The following ST6GALNAC6 variants were observed in gnomAD, a reference collection of about 807,000 sequenced individuals.
ST6GALNAC6 encodes ST6 N-acetylgalactosaminide alpha-2,6-sialyltransferase 6, also known as alpha-N-acetylgalactosaminide alpha-2,6-sialyltransferase 6.
In ST6GALNAC6, 19 loss-of-function variants were observed where a neutral mutation model predicts 34.3. That is an observed-to-expected ratio of 0.55 (90% CI 0.39 to 0.81). The LOEUF (loss-of-function observed/expected upper bound fraction) is 0.81. Ranked by LOEUF, ST6GALNAC6 falls within the 40% of genes least tolerant of loss-of-function variation. The pLI is 0.00. For missense variants in ST6GALNAC6, 377 were observed against 467.7 expected (o/e 0.81, Z 1.79); for synonymous variants, 185 against 182.1 (o/e 1.02, Z -0.13).
intron 4 of ST6GALNAC6, among the ~76,000 whole-genome samples, chr9:127,893,096 C>A (rs755380199): frequency 6.6e-6 from 1 of 152,114 alleles, no homozygotes; most frequent in African/African-American, 2.4e-5. Flanking sequence ...GTAACAGAGA[C>A]GTCTCTCTGA....
intron 6 of ST6GALNAC6, 33 bp from the exon 7 acceptor site, chr9:127,886,821 A>C (rs142600049): frequency 2.8e-4 from 445 of 1,565,462 alleles, no homozygotes; most frequent in Non-Finnish European, 3.5e-4. Context: ...CATCAGGGCA[A>C]GGTGAGCGCT....
upstream of ST6GALNAC6, among the ~76,000 whole-genome samples, chr9:127,900,173 G>A (rs1564494811): frequency 6.6e-6 from 1 of 152,338 alleles, no homozygotes; most frequent in South Asian, 2.1e-4. Flanking sequence ...ATCACTCTAC[G>A]TGATAGGGAA....
intron 5 of ST6GALNAC6, among the ~76,000 whole-genome samples, chr9:127,889,590 C>A (rs939167006): frequency 6.6e-6 from 1 of 151,726 alleles, no homozygotes; most frequent in Non-Finnish European, 1.5e-5. Context: ...ATTATAGGTG[C>A]GCACCACCAC....
At chr9:127,893,000 C>A (rs77487594) in intron 4 of ST6GALNAC6, among the ~76,000 whole-genome samples, 2,586 of 152,238 alleles carry the variant, frequency 0.017, 77 homozygotes, top group African/African-American at 0.058. Context: ...GCTGGCCCTG[C>A]GATTGTTAAA....
At chr9:127,897,845 T>C in intron 2 of ST6GALNAC6, 111 bp downstream of exon 2, 1 of 1,586,472 alleles carries the variant, frequency 6.3e-7, no homozygotes, top group Non-Finnish European at 8.6e-7. Flanking sequence ...AGCTGTGCCC[T>C]CAGCCAGGAC....
At chr9:127,899,317 C>T (rs1830655545) in intron 1 of ST6GALNAC6, 186 bp downstream of exon 1, 1 of 194,808 alleles carries the variant, frequency 5.1e-6, no homozygotes, top group Admixed American at 6.5e-5. Flanking sequence ...CGCGACAGAC[C>T]CTGGGCGCGA....
At chr9:127,894,976 A>C (rs1175140148) in intron 3 of ST6GALNAC6, among the ~76,000 whole-genome samples, 1 of 152,102 alleles carries the variant, frequency 6.6e-6, no homozygotes. Flanking sequence ...GGAACATGGA[A>C]GGTTCTCCGG....
At chr9:127,891,131 G>A in intron 4 of ST6GALNAC6, 88 bp from the exon 5 acceptor site, 2 of 1,438,166 alleles carry the variant, frequency 1.4e-6, no homozygotes, top group African/African-American at 2.9e-5. Context: ...CCCAGGAATT[G>A]TTATGCCCAT....
chr9:127,888,504 C>CAAAA (rs143037868), intron 5 of ST6GALNAC6, among the ~76,000 whole-genome samples: 1 of 59,568 alleles, frequency 1.7e-5, no homozygotes, highest in South Asian at 5.9e-4. Flanking sequence ...ACTCCTTCTC[C>CAAAA]AAAAAAAAAA....
Position 127,886,163 on chromosome 9 carries a change from T to A in ST6GALNAC6, c.*436A>T. 1 of 235,634 alleles carries A rather than the reference T, an allele frequency of 4.2e-6. No individual in the cohort carries two copies. The allele number at this position is 235,634 out of a possible 1,614,324, so 14.6% of individuals were successfully genotyped here. On this transcript the variant is annotated 3_prime_UTR_variant, in exon 7 of 7. Transcript: ENST00000373146. ...CCAGACAGCTTCTACCCCCACACAA[T>A]CTCTCTTTCTGGTGCTGGAAATTGA...
At chr9:127,898,253 C>T (rs1198880829) in intron 1 of ST6GALNAC6, among the ~76,000 whole-genome samples, 1 of 152,052 alleles carries the variant, frequency 6.6e-6, no homozygotes, top group African/African-American at 2.4e-5. Context: ...ATTAGCTGGG[C>T]GTGGTGGCGT....
intron 3 of ST6GALNAC6, 106 bp downstream of exon 3, chr9:127,896,136 G>T: frequency 7.6e-7 from 1 of 1,313,238 alleles, no homozygotes; most frequent in African/African-American, 1.4e-5. Flanking sequence ...TTCTTGCGGG[G>T]AAGAAGAGAC....
chr9:127,904,826 G>A (rs1280832954), intron 1 of ST6GALNAC6: 1 of 152,408 alleles, frequency 6.6e-6, no homozygotes, highest in Non-Finnish European at 1.5e-5. Context: ...CCCCACAGAG[G>A]CTGGAGAGGG....
At chr9:127,897,876 C>T (rs1180805459) in intron 2 of ST6GALNAC6, 80 bp downstream of exon 2, 2 of 1,604,588 alleles carry the variant, frequency 1.2e-6, no homozygotes, top group East Asian at 2.2e-5. Flanking sequence ...CTGGTCCGCC[C>T]CGTCACAATC....
rs1829995886 is a variant in ST6GALNAC6, at chr9:127,889,350, A to G, written c.704+1287T>C. On this transcript the variant is annotated intron_variant, in intron 5 of 6. Coordinates refer to ENST00000373146, the MANE Select transcript of ST6GALNAC6 (RefSeq NM_013443.5). The stretch of plus-strand genomic sequence containing the variant: ...CAACAGAGCAAGACTCCCTCTCAAA[A>G]AAAAAAAAAAAAAATCTCCTAGAAC... Among the ~76,000 whole-genome samples the G allele has an allele frequency of 2.0e-5, 3 of 151,292 alleles. No individual in the cohort carries two copies. In the South Asian group the frequency reaches 6.2e-4, roughly 31 times the overall value.
chr9:127,896,324 G>A lies in ST6GALNAC6; in HGVS notation c.35C>T (p.Pro12Leu). 6.2e-7 allele frequency: 1 copy of A among 1,611,830 alleles called. No homozygotes were observed. Among genetic ancestry groups the A allele is most frequent in the Non-Finnish European group, 8.5e-7 (1 of 1,178,834 alleles). Residue 12 changes from proline to leucine, a missense_variant, in exon 3 of 7, where the codon CCC (proline) becomes CTC (leucine). Coordinates refer to ENST00000373146, the MANE Select transcript of ST6GALNAC6 (RefSeq NM_013443.5). Reference protein sequence around the residue: ...ACSRPPSQCEPTSLPPGPPAG... With the variant: ...ACSRPPSQCELTSLPPGPPAG... Reference sequence around the variant, plus strand: ...AGGTGGCCCTGGGGGCAGGGATGTGGGTTCACACCTGCAAGCCACCAGAAA... The same window carrying A: ...AGGTGGCCCTGGGGGCAGGGATGTGAGTTCACACCTGCAAGCCACCAGAAA...
chr9:127,894,248 G>A lies in ST6GALNAC6; in HGVS notation c.297+264C>T, dbSNP rs150777865. 2.3e-3 allele frequency among the ~76,000 whole-genome samples: 357 copies of A among 152,336 alleles called. 2 individuals carry two copies. The highest frequency in any genetic ancestry group is 9.5e-3 in the South Asian group (46 of 4,830). On this transcript the variant is annotated intron_variant, in intron 4 of 6. Coordinates refer to ENST00000373146, the MANE Select transcript of ST6GALNAC6 (RefSeq NM_013443.5). Reference sequence around the variant, plus strand: ...GTGTGGGCTCCCCAGCAGAGACAGAGAGCAGTGAAAACAGAAACACATTTT... The same window carrying A: ...GTGTGGGCTCCCCAGCAGAGACAGAAAGCAGTGAAAACAGAAACACATTTT...
chr9:127,896,924 C>T (rs1830494302), intron 2 of ST6GALNAC6: 1 of 985,340 alleles, frequency 1.0e-6, no homozygotes, highest in Non-Finnish European at 1.2e-6. Flanking sequence ...CACGGAGATT[C>T]AGGAATATCG....
upstream of ST6GALNAC6, among the ~76,000 whole-genome samples, chr9:127,906,401 T>C (rs941337038): frequency 2.6e-5 from 4 of 152,176 alleles, no homozygotes; most frequent in Non-Finnish European, 5.9e-5. Flanking sequence ...CCCAGTCCTC[T>C]GAGTCTTCCC....
Sources: gnomAD v4.1 joint callset for allele counts (sites outside exome capture counted in the v4.1 genomes callset) on GRCh38, gnomAD v4.1.1 for gene constraint, MANE v1.5 for transcripts, NCBI Gene and HGNC (gene_info 2026-07-23, HGNC 2026-07-21) for gene names.